Variants in PRELID2 observed in about 807,000 individuals in gnomAD.
The protein encoded by PRELID2 is PRELI domain-containing protein 2.
A neutral mutation model predicts 28.4 loss-of-function variants in PRELID2; 25 were observed. The observed-to-expected ratio is 0.88, with a 90% CI of 0.64 to 1.23. The LOEUF (loss-of-function observed/expected upper bound fraction) is 1.23, where lower values mean the gene tolerates loss of function less well. Among genes scored for constraint, PRELID2 ranks in the 50% most tolerant of loss-of-function variants. The pLI is 0.00. For synonymous variants in PRELID2, 76 were observed against 71.6 expected, an observed-to-expected ratio of 1.06 and a Z score of -0.31; for missense variants, 201 against 214.4, an observed-to-expected ratio of 0.94 and a Z score of 0.39.
At chr5:145,737,693 C>A (rs1478533643) in intron 1 of PRELID2, among the ~76,000 whole-genome samples, 2 of 152,054 alleles carry the variant, frequency 1.3e-5, no homozygotes, top group Non-Finnish European at 2.9e-5. Flanking sequence ...CTCTGTACTC[C>A]AGCTAAATAC....
At chr5:145,628,020 G>A (rs2149656507) in intron 1 of PRELID2, among the ~76,000 whole-genome samples, 1 of 152,240 alleles carries the variant, frequency 6.6e-6, no homozygotes, top group East Asian at 1.9e-4. Flanking sequence ...TCCTTATTAT[G>A]CCTGATATGG....
chr5:145,535,962 C>A (rs1313514807), intron 1 of PRELID2, among the ~76,000 whole-genome samples: 1 of 151,796 alleles, frequency 6.6e-6, no homozygotes, highest in Non-Finnish European at 1.5e-5. Flanking sequence ...CCTCTGAAAC[C>A]AATTTTAGGG....
chr5:145,315,064 CTTTTTT>C, the PRELID2 span, among the ~76,000 whole-genome samples: 18 of 100,588 alleles, frequency 1.8e-4, no homozygotes, highest in African/African-American at 6.5e-4. Flanking sequence ...TACAATAATT[CTTTTTT>C]TTTTTTTTTT....
intron 1 of PRELID2, among the ~76,000 whole-genome samples, chr5:145,487,020 T>A (rs1752223749): frequency 7.0e-6 from 1 of 142,520 alleles, no homozygotes; most frequent in African/African-American, 2.6e-5. Flanking sequence ...ATATTCTCAC[T>A]CATAGGTGGG....
At chr5:145,804,867 C>T (rs1052491469) in intron 4 of PRELID2, among the ~76,000 whole-genome samples, 1 of 152,258 alleles carries the variant, frequency 6.6e-6, no homozygotes. Flanking sequence ...TGTAAACTAG[C>T]TTAGGTGGAG....
At chr5:145,627,784 A>T (rs1753872736) in intron 1 of PRELID2, among the ~76,000 whole-genome samples, 1 of 152,198 alleles carries the variant, frequency 6.6e-6, no homozygotes. Flanking sequence ...GTTCTGTATG[A>T]TCATGGCCCC....
chr5:145,689,079 A>G (rs1261610481), intron 1 of PRELID2, among the ~76,000 whole-genome samples: 3 of 152,216 alleles, frequency 2.0e-5, no homozygotes, highest in Non-Finnish European at 4.4e-5. Context: ...TGGGAAAACA[A>G]AGAGAAGAGG....
At chr5:145,396,258 G>C in the PRELID2 span, among the ~76,000 whole-genome samples, 1 of 152,078 alleles carries the variant, frequency 6.6e-6, no homozygotes, top group Non-Finnish European at 1.5e-5. Flanking sequence ...TAGATGTGAA[G>C]ATAATTGAGC....
chr5:145,765,619 G>A (rs1757699742), intron 5 of PRELID2, among the ~76,000 whole-genome samples: 1 of 152,120 alleles, frequency 6.6e-6, no homozygotes, highest in African/African-American at 2.4e-5. Flanking sequence ...ACAACTCTGA[G>A]GAGCATCCAA....
chr5:145,729,113 G>A (rs1756260800), intron 1 of PRELID2: 3 of 586,392 alleles, frequency 5.1e-6, no homozygotes, highest in African/African-American at 3.8e-5. Context: ...TGTTACCCTG[G>A]TTTCCGAGTA....
chr5:145,644,355 G>T lies in PRELID2; in HGVS notation n.70+120576C>A, dbSNP rs574525856. Among the ~76,000 whole-genome samples, 8 of 152,170 alleles carry T rather than the reference G, an allele frequency of 5.3e-5. No individual in the cohort carries two copies. The East Asian group carries it at 1.5e-3, about 29-fold the overall frequency. On this transcript the variant is annotated intron_variant and non_coding_transcript_variant, in intron 1 of 2. Coordinates refer to the PRELID2 transcript ENST00000510259. ...TTTGCATTTCTGTGGGATCAGTGGT[G>T]ATACTCCCTTTATCATTTTTTATTG...
At position 145,581,446 on chromosome 5, in the gene PRELID2, G is replaced by A. The variant is rs80059476; in HGVS notation, n.71-108131C>T. 5.9e-3 allele frequency among the ~76,000 whole-genome samples: 904 copies of A among 152,136 alleles called. 12 individuals carry two copies. Among genetic ancestry groups the A allele is most frequent in the African/African-American group, 0.02 (837 of 41,540 alleles). ...GCGTCTTCATTCTTGGGACAGTTGA[G>A]ATTTGCATTAATGCAGTAAGACAAG... On this transcript the variant is annotated intron_variant and non_coding_transcript_variant, in intron 1 of 2. Coordinates refer to the PRELID2 transcript ENST00000510259.
At chr5:145,786,170 T>A (rs765039497) in intron 5 of PRELID2, among the ~76,000 whole-genome samples, 2 of 152,170 alleles carry the variant, frequency 1.3e-5, no homozygotes, top group African/African-American at 2.4e-5. Flanking sequence ...CCAGTATATA[T>A]CAAAAAGAAC....
chr5:145,827,645 A>G (rs1755282230), intron 1 of PRELID2, among the ~76,000 whole-genome samples: 1 of 152,238 alleles, frequency 6.6e-6, no homozygotes, highest in Non-Finnish European at 1.5e-5. Context: ...TTTTGAAAAG[A>G]CAGTTTTTCA....
intron 1 of PRELID2, among the ~76,000 whole-genome samples, chr5:145,563,875 T>C (rs964401833): frequency 6.6e-6 from 1 of 152,186 alleles, no homozygotes; most frequent in African/African-American, 2.4e-5. Flanking sequence ...CTACAGTTAA[T>C]AATACTGTGA....
chr5:145,294,684 T>C, the PRELID2 span, among the ~76,000 whole-genome samples: 1 of 152,192 alleles, frequency 6.6e-6, no homozygotes, highest in African/African-American at 2.4e-5. Context: ...TATTTGTAAC[T>C]TGTATAAGAA....
intron 1 of PRELID2, among the ~76,000 whole-genome samples, chr5:145,548,100 A>G (rs1561503873): frequency 6.6e-6 from 1 of 152,222 alleles, no homozygotes; most frequent in Non-Finnish European, 1.5e-5. Flanking sequence ...AAATCACAGA[A>G]CTGAGAATTA....
chr5:145,618,960 T>C lies in PRELID2; in HGVS notation n.71-145645A>G, dbSNP rs138979770. On this transcript the variant is annotated intron_variant and non_coding_transcript_variant, in intron 1 of 2. Transcript: ENST00000510259. ...GAGTCATGCAGGTTGTCAGGGTAAG[T>C]GGGGAAAAGCTGGCAGTCACAGGCC... Among the ~76,000 whole-genome samples the C allele has an allele frequency of 5.2e-4, 79 of 152,130 alleles. No homozygotes were observed. In the East Asian group the frequency reaches 0.013, roughly 25 times the overall value.
At chr5:145,444,864 C>T in the PRELID2 span, among the ~76,000 whole-genome samples, 45 of 151,978 alleles carry the variant, frequency 3.0e-4, no homozygotes, top group African/African-American at 8.2e-4. Context: ...AATCTACTTT[C>T]GGGAAGCTTA....
Sources: gnomAD v4.1 joint callset for allele counts (sites outside exome capture counted in the v4.1 genomes callset) on GRCh38, gnomAD v4.1.1 for gene constraint, MANE v1.5 for transcripts, NCBI Gene and HGNC (gene_info 2026-07-23, HGNC 2026-07-21) for gene names.